KIF19: variants seen among roughly 807,000 people sequenced by gnomAD.
KIF19 encodes the protein kinesin-like protein KIF19.
In KIF19, 98 loss-of-function variants were observed where a neutral mutation model predicts 106.6. The ratio of observed to expected loss-of-function variants is 0.92; its 90% CI spans 0.78 to 1.09. The LOEUF (loss-of-function observed/expected upper bound fraction) is 1.09. Among genes scored for constraint, KIF19 ranks in the 50% least tolerant of loss-of-function variants. The pLI, the probability that KIF19 is intolerant of heterozygous loss-of-function variation, is 0.00. For synonymous variants in KIF19, 516 were observed against 584.2 expected (o/e 0.88, Z 1.68); for missense variants, 1,373 against 1,414.3 (o/e 0.97, Z 0.47).
rs770638270 is a variant in KIF19 at position 74,344,867 on chromosome 17, A to C, written c.689A>C (p.Gln230Pro). ...SHAVLQVTVR[Q>P]RSRVKNILQE... is the part of the protein sequence containing the mutation. Reference sequence around the variant, plus strand: ...GCGGTACTGCAGGTGACCGTGCGCCAGCGCAGCCGGGTCAAGAACATCTTG... The same window carrying C: ...GCGGTACTGCAGGTGACCGTGCGCCCGCGCAGCCGGGTCAAGAACATCTTG... Residue 230 changes from glutamine (Q) to proline (P), a missense_variant, in exon 7 of 20, where the codon CAG (glutamine) becomes CCG (proline). Transcript: ENST00000389916. 16 of 1,612,686 alleles carry C rather than the reference A, an allele frequency of 9.9e-6. No homozygotes were observed. The highest frequency in any genetic ancestry group is 1.4e-5 in the Non-Finnish European group (16 of 1,179,826).
At chr17:74,341,561 A>G (rs2054373875) in intron 2 of KIF19, among the ~76,000 whole-genome samples, 1 of 152,136 alleles carries the variant, frequency 6.6e-6, no homozygotes, top group Non-Finnish European at 1.5e-5. Flanking sequence ...GCTCGTTGTC[A>G]GGAAGGTGTC....
intron 2 of KIF19, among the ~76,000 whole-genome samples, chr17:74,335,081 T>C (rs1459267200): frequency 6.6e-6 from 1 of 152,188 alleles, no homozygotes; most frequent in African/African-American, 2.4e-5. Context: ...TCGGAGATTT[T>C]TGCCACTAGC....
Position 74,354,384 on chromosome 17 carries a change from A to G in KIF19, c.2531A>G (p.Asp844Gly). 1.2e-6 allele frequency: 2 copies of G among 1,610,214 alleles called. No homozygotes were observed. Among genetic ancestry groups the G allele is most frequent in the Non-Finnish European group, 1.7e-6 (2 of 1,178,840 alleles). ...SPTLQHAASE[D>G]NLSSSTGEAP... ...ACACTACAGCATGCTGCCAGTGAGGACAACCTGTCCAGCAGCACGGGCGAG... is the reference window on the plus strand; with the variant it reads ...ACACTACAGCATGCTGCCAGTGAGGGCAACCTGTCCAGCAGCACGGGCGAG... Residue 844 changes from aspartate to glycine, a missense_variant, in exon 18 of 20, where the codon GAC becomes GGC. Physicochemically the swap from Asp to Gly is moderately conservative, Grantham distance 94. Coordinates refer to ENST00000389916, the MANE Select transcript of KIF19 (RefSeq NM_153209.4).
At chr17:74,349,460 G>A in intron 10 of KIF19, 111 bp downstream of exon 10, 1 of 1,106,214 alleles carries the variant, frequency 9.0e-7, no homozygotes, top group Non-Finnish European at 1.3e-6. Flanking sequence ...CTGGCTGGGT[G>A]GTTGAGCTAG....
rs1276858450 is a variant in KIF19 at position 74,344,806 on chromosome 17, C to T, written c.628C>T (p.Pro210Ser). 5 of 1,611,698 alleles carry T rather than the reference C, an allele frequency of 3.1e-6. No homozygotes were observed. Among genetic ancestry groups the T allele is most frequent in the Non-Finnish European group, 4.2e-6 (5 of 1,179,052 alleles). The stretch of plus-strand genomic sequence containing the variant: ...GGGGAACCGGCAGAGGACCCAGGAG[C>T]CCACGGCCGCCAACCAGACGTCCTC... ...MKGNRQRTQE[P>S]TAANQTSSRS... The change falls in exon 7 of 20, where the codon CCC (proline) becomes TCC (serine). Residue 210 changes from proline to serine, a missense_variant. By Grantham distance (74) the Pro-to-Ser change is moderately conservative. This residue lies in a region of KIF19 where 348 missense variants were observed against 389.5 expected (regional missense o/e 0.89). Transcript: ENST00000389916.
Position 74,349,198 on chromosome 17 carries a change from C to T in KIF19, c.1062C>T (p.Leu354=). ...GTTCCCTGCAGGTGAAGCAGAACCT[C>T]CTGAACGTCTCCTACCACATCGCCC... is the stretch of plus-strand genomic sequence containing the variant. ...KNIKTRVKQN[L]LNVSYHIAQY... is the part of the protein sequence containing the mutation. Residue 354 remains leucine (L), a synonymous_variant, in exon 10 of 20, where the codon CTC becomes CTT. Coordinates refer to ENST00000389916, the MANE Select transcript of KIF19 (RefSeq NM_153209.4). 6.2e-7 allele frequency: 1 copy of T among 1,613,834 alleles called. No individual in the cohort carries two copies. The highest frequency in any genetic ancestry group is 8.5e-7 in the Non-Finnish European group (1 of 1,179,884).
intron 2 of KIF19, 60 bp downstream of exon 2, chr17:74,328,565 A>C: frequency 9.5e-5 from 137 of 1,442,206 alleles, no homozygotes; most frequent in Non-Finnish European, 1.2e-4. Flanking sequence ...GGCTCAGCTC[A>C]CCTGGTGAGG....
At chr17:74,353,439 ATGGGGTCCC>A in intron 16 of KIF19, 46 bp from the exon 17 acceptor site, 1 of 1,542,250 alleles carries the variant, frequency 6.5e-7, no homozygotes, top group Admixed American at 1.7e-5. Context: ...TGAGTGGGGC[ATGGGGTCCC>A]TGCTGTGTTT....
Position 74,350,835 on chromosome 17 carries a change from C to T in KIF19, c.1517C>T (p.Pro506Leu). The T allele has an allele frequency of 6.2e-7, 1 of 1,614,014 alleles. No homozygotes were observed. The highest frequency in any genetic ancestry group is 8.5e-7 in the Non-Finnish European group (1 of 1,179,902). The change falls in exon 12 of 20, where the codon CCC (proline) becomes CTC (leucine). Residue 506 changes from proline to leucine, a missense_variant. Around this residue, in one of 3 missense-constraint regions of KIF19, gnomAD observed 1,020 missense variants for 1,008.2 expected, o/e 1.01. Transcript: ENST00000389916. ...GDDQPDILEP[P>L]EVAAARESIA... ...GACCAACCAGACATCCTGGAGCCAC[C>T]CGAGGTGGCCGCAGCCCGGGAGAGC...
intron 19 of KIF19, 88 bp downstream of exon 19, chr17:74,355,029 G>A (rs1335874712): frequency 1.9e-5 from 30 of 1,544,442 alleles, no homozygotes; most frequent in Non-Finnish European, 2.6e-5. Context: ...TGCGCCTCTG[G>A]CTGCCCCTTG....
Position 74,355,226 on chromosome 17 carries a change from G to A in KIF19, c.2911G>A (p.Gly971Ser), listed in dbSNP as rs749340621. Reference protein sequence around the residue: ...SPLAVPPNPGGGSRRATRGPR... With the variant: ...SPLAVPPNPGSGSRRATRGPR... ...CCTGGCTGTTCCCCCCAACCCAGGT[G>A]GTGGTTCTCGACGGGCTACCCGTGG... Residue 971 changes from glycine (G) to serine (S), a missense_variant, in exon 20 of 20, where the codon GGT becomes AGT. Gly to Ser is a moderately conservative substitution (Grantham distance 56). This residue lies in a region of KIF19 where 1,020 missense variants were observed against 1,008.2 expected (regional missense o/e 1.01). Coordinates refer to ENST00000389916, the MANE Select transcript of KIF19 (RefSeq NM_153209.4). The A allele has an allele frequency of 7.4e-6, 12 of 1,612,734 alleles. No homozygotes were observed. Among genetic ancestry groups the A allele is most frequent in the Middle Eastern group, 1.7e-4 (1 of 6,038 alleles).
chr17:74,328,514 G>T lies in KIF19; in HGVS notation c.120+9G>T. On this transcript the variant is annotated intron_variant, in intron 2 of 19. Coordinates refer to ENST00000389916, the MANE Select transcript of KIF19 (RefSeq NM_153209.4). ...ATAAAGTGGATGAGCAGGTATGCAG[G>T]GCTCTGCAGCAGGAGCTGCAGGGCA... 1 of 1,598,942 alleles carries T rather than the reference G, an allele frequency of 6.3e-7. No individual in the cohort carries two copies. The highest frequency in any genetic ancestry group is 8.5e-7 in the Non-Finnish European group (1 of 1,173,170).
At chr17:74,347,635 A>G (rs2054573797) in intron 8 of KIF19, 142 bp from the exon 9 acceptor site, 2 of 903,300 alleles carry the variant, frequency 2.2e-6, no homozygotes, top group South Asian at 3.4e-5. Flanking sequence ...CAAGCCTCAC[A>G]CCATATGACG....
chr17:74,338,237 T>C (rs1354814522), intron 2 of KIF19, among the ~76,000 whole-genome samples: 1 of 152,238 alleles, frequency 6.6e-6, no homozygotes, highest in Non-Finnish European at 1.5e-5. Context: ...AGCAGCTGGC[T>C]GGGTTCTGGT....
At chr17:74,335,439 T>C (rs1203970839) in intron 2 of KIF19, among the ~76,000 whole-genome samples, 1 of 152,278 alleles carries the variant, frequency 6.6e-6, no homozygotes, top group Non-Finnish European at 1.5e-5. Flanking sequence ...ATGCTTGGGA[T>C]GAGCCTGGTC....
intron 3 of KIF19, among the ~76,000 whole-genome samples, 199 bp from the exon 4 acceptor site, chr17:74,342,431 C>T (rs539100017): frequency 4.3e-4 from 65 of 152,148 alleles, no homozygotes; most frequent in Non-Finnish European, 8.4e-4. Context: ...CTCAGGTGTC[C>T]TGGGCTCTCT....
Position 74,344,960 on chromosome 17 carries a change from G to C in KIF19, c.777+5G>C. The C allele has an allele frequency of 6.3e-7, 1 of 1,596,016 alleles. No individual in the cohort carries two copies. Among genetic ancestry groups the C allele is most frequent in the Non-Finnish European group, 8.5e-7 (1 of 1,173,972 alleles). On this transcript the variant is annotated splice_donor_5th_base_variant and intron_variant, in intron 7 of 19. Transcript: ENST00000389916. ...GGCTCAGAGCGCGCCTCGCAGGTGA[G>C]GCTGGGACCTGGGCTGGGCAGAGGA...
intron 1 of KIF19, among the ~76,000 whole-genome samples, chr17:74,328,190 A>G: frequency 6.6e-6 from 1 of 151,596 alleles, no homozygotes; most frequent in East Asian, 1.9e-4. Flanking sequence ...AGGAGCAGAC[A>G]GCTCTCTCCC....
rs145942098 is a variant in KIF19, at chr17:74,354,823, G to A, written c.2748G>A (p.Ala916=). 4.6e-4 allele frequency: 716 copies of A among 1,560,516 alleles called. 5 individuals carry two copies. In the African/African-American group the frequency reaches 8.0e-3, roughly 17 times the overall value. ...PKTHLLGPHQ[A]ERISDHRMPV... is the part of the protein sequence containing the mutation. Reference sequence around the variant, plus strand: ...CACACCTCCTGGGGCCCCATCAGGCGGAGCGCATCTCGGACCACAGGATGC... The same window carrying A: ...CACACCTCCTGGGGCCCCATCAGGCAGAGCGCATCTCGGACCACAGGATGC... The change falls in exon 19 of 20, where the codon GCG becomes GCA. Residue 916 remains alanine, a synonymous_variant. Coordinates refer to ENST00000389916, the MANE Select transcript of KIF19 (RefSeq NM_153209.4).
Sources: gnomAD v4.1 joint callset for allele counts (sites outside exome capture counted in the v4.1 genomes callset) on GRCh38, gnomAD v4.1.1 for gene constraint, gnomAD v4.1.1 regional missense constraint, MANE v1.5 for transcripts, NCBI Gene and HGNC (gene_info 2026-07-23, HGNC 2026-07-21) for gene names.